The following ACTA2 variants were observed in gnomAD, a reference collection of about 807,000 sequenced individuals.
ACTA2 encodes the protein actin, aortic smooth muscle.
A neutral mutation model predicts 39.5 loss-of-function variants in ACTA2; 12 were observed. The observed-to-expected ratio is 0.30, with a 90% CI of 0.19 to 0.49. The LOEUF (loss-of-function observed/expected upper bound fraction) is 0.49, where lower values mean the gene tolerates loss of function less well. Among genes scored for constraint, ACTA2 ranks in the 20% least tolerant of loss-of-function variants. The pLI is 0.99. For synonymous variants in ACTA2, 158 were observed against 180.6 expected (o/e 0.88, Z 1.00); for missense variants, 236 against 498.8 (o/e 0.47, Z 5.02).
upstream of ACTA2, among the ~76,000 whole-genome samples, chr10:88,954,898 T>G (rs1168031131): frequency 6.6e-6 from 1 of 151,756 alleles, no homozygotes; most frequent in East Asian, 1.9e-4. Flanking sequence ...AAACCAGCAC[T>G]GCATGGGTAT....
intron 1 of ACTA2, among the ~76,000 whole-genome samples, chr10:88,949,770 A>G (rs1846016888): frequency 6.6e-6 from 1 of 152,208 alleles, no homozygotes; most frequent in Non-Finnish European, 1.5e-5. Context: ...AAATCTCATT[A>G]AAAATGTATT....
chr10:88,985,592 G>T (rs1472924938), intron 1 of ACTA2, among the ~76,000 whole-genome samples: 1 of 152,094 alleles, frequency 6.6e-6, no homozygotes, highest in Non-Finnish European at 1.5e-5. Flanking sequence ...TCTCCCTCAA[G>T]CTGTCCCCTC....
chr10:88,967,005 G>A (rs990657506), intron 1 of ACTA2, among the ~76,000 whole-genome samples: 7 of 152,152 alleles, frequency 4.6e-5, no homozygotes, highest in Non-Finnish European at 1.0e-4. Context: ...CAGGCTGTGT[G>A]CCAAGATCAG....
At chr10:88,984,019 G>A (rs1344830844) in intron 1 of ACTA2, among the ~76,000 whole-genome samples, 2 of 152,170 alleles carry the variant, frequency 1.3e-5, no homozygotes, top group African/African-American at 4.8e-5. Context: ...AGAGTTTGTG[G>A]GGAGGTTTCA....
intron 1 of ACTA2, among the ~76,000 whole-genome samples, chr10:88,986,356 T>C (rs933316411): frequency 2.6e-5 from 4 of 152,180 alleles, no homozygotes; most frequent in Admixed American, 2.6e-4. Context: ...GGGTACTCAA[T>C]TGGATTAAGA....
rs1276191966 is a variant in ACTA2 at position 88,990,824 on chromosome 10, G to A, written c.-24+115C>T. The stretch of plus-strand genomic sequence containing the variant: ...TCTTCTCCCGCGGGTTGGTGGACCC[G>A]CTCAGTACGGAGTTGGGGAAGCTCT... On this transcript the variant is annotated intron_variant, in intron 1 of 4. Transcript: ENST00000415557. The surrounding 1 kb of genome is among the most constrained non-coding windows in gnomAD (Gnocchi z 4.9). 1.6e-5 allele frequency: 26 copies of A among 1,613,388 alleles called. No homozygotes were observed. The highest frequency in any genetic ancestry group is 6.7e-5 in the East Asian group (3 of 44,882).
intron 1 of ACTA2, among the ~76,000 whole-genome samples, chr10:88,966,776 C>A (rs1053203171): frequency 2.0e-5 from 3 of 152,164 alleles, no homozygotes; most frequent in African/African-American, 7.2e-5. Context: ...ACGTAACCTG[C>A]TCAAATGTTT....
chr10:88,956,640 C>A (rs1846143495), upstream of ACTA2, among the ~76,000 whole-genome samples: 1 of 152,202 alleles, frequency 6.6e-6, no homozygotes, highest in Non-Finnish European at 1.5e-5. Flanking sequence ...CCCATCTCAC[C>A]ACCCAATGTG....
intron 1 of ACTA2, among the ~76,000 whole-genome samples, chr10:88,985,722 G>A (rs1191550172): frequency 6.6e-6 from 1 of 152,148 alleles, no homozygotes; most frequent in Non-Finnish European, 1.5e-5. Flanking sequence ...CTGTTCTGAT[G>A]TCTCTTGTTC....
chr10:88,940,916 C>T (rs778404386), intron 6 of ACTA2: 1 of 364,644 alleles, frequency 2.7e-6, no homozygotes, highest in Admixed American at 3.7e-5. Context: ...CTGCCAATCA[C>T]CACACCATGC....
intron 3 of ACTA2, 132 bp downstream of exon 3, chr10:88,947,126 G>T: frequency 1.5e-6 from 2 of 1,313,092 alleles, no homozygotes; most frequent in Non-Finnish European, 1.1e-6. Context: ...AACCCAGAAT[G>T]AACATTAACA....
At chr10:88,986,710 T>C (rs1846899633) in intron 1 of ACTA2, among the ~76,000 whole-genome samples, 1 of 151,664 alleles carries the variant, frequency 6.6e-6, no homozygotes, top group Non-Finnish European at 1.5e-5. Context: ...AAGGAAGTGG[T>C]ACAGGAAGGA....
chr10:88,983,701 A>ATC (rs1320715151), intron 1 of ACTA2, among the ~76,000 whole-genome samples: 1 of 149,620 alleles, frequency 6.7e-6, no homozygotes, highest in Non-Finnish European at 1.5e-5. Flanking sequence ...TATTACTGAT[A>ATC]TCTTATTTTT....
Position 88,959,982 on chromosome 10 carries a change from T to C in ACTA2, c.-23-11029A>G, listed in dbSNP as rs187807963. 1.1e-4 allele frequency among the ~76,000 whole-genome samples: 16 copies of C among 152,312 alleles called. No homozygotes were observed. In the East Asian group the frequency reaches 3.1e-3, roughly 29 times the overall value. ...GTAAGTTGCTATTCTCATCCCTTGA[T>C]ATCAAGACAAGATGCTACCAGGATG... On this transcript the variant is annotated intron_variant, in intron 1 of 4. Coordinates refer to the ACTA2 transcript ENST00000415557.
intron 1 of ACTA2, chr10:88,989,376 G>T: frequency 4.7e-5 from 14 of 298,960 alleles, no homozygotes; most frequent in South Asian, 1.5e-4. Context: ...TTTCATTTTG[G>T]AATAGTTTTA....
At chr10:88,958,225 T>C (rs1435479566) in intron 1 of ACTA2, among the ~76,000 whole-genome samples, 4 of 152,220 alleles carry the variant, frequency 2.6e-5, no homozygotes, top group African/African-American at 7.2e-5. Context: ...TCCTAGAACC[T>C]GGAACATTCA....
intron 1 of ACTA2, chr10:88,974,335 T>A (rs1195299877): frequency 6.6e-6 from 1 of 151,994 alleles, no homozygotes. Flanking sequence ...TTCCCCAAAA[T>A]AGATGTCTAA....
intron 1 of ACTA2, among the ~76,000 whole-genome samples, chr10:88,979,199 A>T (rs549449392): frequency 6.6e-6 from 1 of 152,198 alleles, no homozygotes; most frequent in Admixed American, 6.5e-5. Context: ...GATGTTGTGT[A>T]TGAGCGTAGG....
chr10:88,941,331 C>T lies in ACTA2; in HGVS notation c.514G>A (p.Ala172Thr). Residue 172 changes from alanine (A) to threonine (T), a missense_variant, in exon 6 of 9, where the codon GCC (alanine) becomes ACC (threonine). By Grantham distance (58) the Ala-to-Thr change is moderately conservative. Coordinates refer to ENST00000224784, the MANE Select transcript of ACTA2 (RefSeq NM_001613.4). ...AGACGCATGATGGCATGGGGCAAGGCATAGCCCTCATAGATGGGGACATTG... is the reference window on the plus strand; with the variant it reads ...AGACGCATGATGGCATGGGGCAAGGTATAGCCCTCATAGATGGGGACATTG... Reference protein sequence around the residue: ...THNVPIYEGYALPHAIMRLDL... With the variant: ...THNVPIYEGYTLPHAIMRLDL... The T allele has an allele frequency of 1.2e-6, 2 of 1,613,804 alleles. No individual in the cohort carries two copies. The highest frequency in any genetic ancestry group is 1.7e-6 in the Non-Finnish European group (2 of 1,179,924).
Sources: allele counts gnomAD v4.1 joint callset (sites outside exome capture counted in the v4.1 genomes callset), GRCh38; gene constraint gnomAD v4.1.1; non-coding constraint Gnocchi (gnomAD v3.1); transcripts MANE v1.5; gene names NCBI Gene and HGNC (gene_info 2026-07-23, HGNC 2026-07-21).